CABLES2: variants seen among roughly 807,000 people sequenced by gnomAD.
CABLES2 encodes the protein CDK5 and ABL1 enzyme substrate 2.
CABLES2 carries 35 observed loss-of-function variants against 44.8 expected under a neutral mutation model. That is an observed-to-expected ratio of 0.78 (90% CI 0.60 to 1.04). CABLES2 has a LOEUF of 1.04. Ranked by LOEUF, CABLES2 falls within the 50% of genes least tolerant of loss-of-function variation. CABLES2 has a pLI of 0.00. For synonymous variants in CABLES2, 282 were observed against 281.1 expected (o/e 1.00, Z -0.03); for missense variants, 566 against 615.7 (o/e 0.92, Z 0.85).
intron 1 of CABLES2, among the ~76,000 whole-genome samples, chr20:62,398,071 C>CGAT: frequency 1.5e-5 from 1 of 68,298 alleles, no homozygotes; most frequent in Admixed American, 1.5e-4. Context: ...GTGGTGGTGA[C>CGAT]GGTGGTGGTG....
chr20:62,398,071 CGGTGGTGGTGGTGGTGACGGTGGT>C (rs1438634225), intron 1 of CABLES2, among the ~76,000 whole-genome samples: 6 of 68,236 alleles, frequency 8.8e-5, no homozygotes, highest in African/African-American at 2.0e-4. Flanking sequence ...GTGGTGGTGA[CGGTGGTGGTGGTGGTGACGGTGGT>C]GGTGGTGGTG....
At chr20:62,405,244 G>C (rs928031739) in intron 1 of CABLES2, 2 of 152,334 alleles carry the variant, frequency 1.3e-5, no homozygotes, top group African/African-American at 4.8e-5. Context: ...TGCGGAGCTC[G>C]GCCCGTTGGG....
intron 1 of CABLES2, among the ~76,000 whole-genome samples, chr20:62,398,178 G>GTGACGGTGA (rs1202631392): frequency 1.0e-5 from 1 of 96,216 alleles, no homozygotes; most frequent in East Asian, 2.3e-4. Flanking sequence ...GGTAATGGTG[G>GTGACGGTGA]TGGTGGTGAT....
rs925558836 is a variant in CABLES2, at chr20:62,396,750, G to T, written c.363-158C>A. ...GCTTCCAGAGCCCATGCAGACTGAG[G>T]CGGGGAGGAGGGGCACCTCCTGCCT... is the stretch of plus-strand genomic sequence containing the variant. On this transcript the variant is annotated intron_variant, in intron 1 of 9. Transcript: ENST00000279101. The surrounding 1 kb of genome is among the most constrained non-coding windows in gnomAD (Gnocchi z 5.7). Among the ~76,000 whole-genome samples the T allele has an allele frequency of 6.6e-6, 1 of 152,160 alleles. No individual in the cohort carries two copies. Among genetic ancestry groups the T allele is most frequent in the African/African-American group, 2.4e-5 (1 of 41,444 alleles).
At position 62,401,152 on chromosome 20, in the gene CABLES2, C is replaced by T. The variant is rs147018984; in HGVS notation, c.363-4560G>A. ...GAATGGTGGCCGCTCTCCACTGTCT[C>T]TCAGGGGCTCATTTTGTGAACCTGG... On this transcript the variant is annotated intron_variant, in intron 1 of 9. Coordinates refer to ENST00000279101, the MANE Select transcript of CABLES2 (RefSeq NM_031215.3). Among the ~76,000 whole-genome samples the T allele has an allele frequency of 1.8e-4, 27 of 152,338 alleles. No individual in the cohort carries two copies. The East Asian group carries it at 5.0e-3, about 28-fold the overall frequency.
chr20:62,388,649 T>G lies in CABLES2; in HGVS notation c.*2322A>C. 1.6e-6 allele frequency: 1 copy of G among 623,160 alleles called. No individual in the cohort carries two copies. Among genetic ancestry groups the G allele is most frequent in the South Asian group, 1.9e-5 (1 of 51,332 alleles). 38.6% of individuals were successfully genotyped at this position (623,160 alleles called of 1,614,324 possible). A position where few individuals can be genotyped will look rare whatever the true frequency, so the allele number is the denominator to read the frequency against. ...GTGAAACATATTGCAAAACTGAGGT[T>G]TAAAGGACAAATACATTATCCATTT... On this transcript the variant is annotated 3_prime_UTR_variant, in exon 10 of 10. Transcript: ENST00000279101.
rs1373612442 is a variant in CABLES2 at position 62,393,345 on chromosome 20, TGAAAGG to T, written c.880+89_880+94del. The T allele has an allele frequency of 5.3e-6, 7 of 1,309,858 alleles. No homozygotes were observed. The African/African-American group carries it at 1.0e-4, about 19-fold the overall frequency. The allele number at this position is 1,309,858 out of a possible 1,614,324, so 81.1% of individuals were successfully genotyped here. The stretch of plus-strand genomic sequence containing the variant: ...TCCATCTGCACGGAGGGCTACAGAT[TGAAAGG>T]GGCTTGCTGATGCTGCTGCAGTCCC... On this transcript the variant is annotated intron_variant, in intron 6 of 9. Coordinates refer to ENST00000279101, the MANE Select transcript of CABLES2 (RefSeq NM_031215.3).
In CABLES2 at chr20:62,388,821, C is replaced by T. The variant is rs887265097; in HGVS notation, c.*2150G>A. The T allele has an allele frequency of 5.5e-5, 18 of 325,096 alleles. No individual in the cohort carries two copies. The highest frequency in any genetic ancestry group is 7.5e-5 in the Non-Finnish European group (13 of 173,926). 20.1% of individuals were successfully genotyped at this position (325,096 alleles called of 1,614,324 possible). A position where few individuals can be genotyped will look rare whatever the true frequency, so the allele number is the denominator to read the frequency against. ...ACAGCCGAGCTGAACACCTTAGCTC[C>T]GACACCTGGATGTGTTCTAGAGAAT... On this transcript the variant is annotated 3_prime_UTR_variant, in exon 10 of 10. Transcript: ENST00000279101.
chr20:62,393,546 G>A lies in CABLES2; in HGVS notation c.774C>T (p.Asp258=). 6.2e-7 allele frequency: 1 copy of A among 1,612,824 alleles called. No individual in the cohort carries two copies. The highest frequency in any genetic ancestry group is 8.5e-7 in the Non-Finnish European group (1 of 1,179,312). Residue 258 remains aspartate (D), a synonymous_variant, in exon 6 of 10, where the codon GAC becomes GAT. Transcript: ENST00000279101. ...PTNALVTHKS[D]SHGLLPTPRP... ...GAGGTGTGGGCAGCAGGCCATGGCTGTCACTCTTGTGTGTGACCAGGGCGT... is the reference window on the plus strand; with the variant it reads ...GAGGTGTGGGCAGCAGGCCATGGCTATCACTCTTGTGTGTGACCAGGGCGT...
chr20:62,396,624 C>T lies in CABLES2; in HGVS notation c.363-32G>A, dbSNP rs762180477. The T allele has an allele frequency of 1.9e-6, 3 of 1,589,990 alleles. No homozygotes were observed. The Admixed American group carries it at 5.4e-5, about 29-fold the overall frequency. ...GATGACAATGGAGCCTCAAAACAGGCCACCAGCCCGGGTGCCGCCTTTGTG... is the reference window on the plus strand; with the variant it reads ...GATGACAATGGAGCCTCAAAACAGGTCACCAGCCCGGGTGCCGCCTTTGTG... On this transcript the variant is annotated intron_variant, in intron 1 of 9. Transcript: ENST00000279101. This position sits in a 1 kb window ranked among gnomAD's most constrained non-coding sequence, Gnocchi z 5.7.
chr20:62,394,253 C>T lies in CABLES2; in HGVS notation c.618G>A (p.Val206=), dbSNP rs1987974674. 1 of 1,613,254 alleles carries T rather than the reference C, an allele frequency of 6.2e-7. No homozygotes were observed. Among genetic ancestry groups the T allele is most frequent in the South Asian group, 1.1e-5 (1 of 91,084 alleles). The change falls in exon 5 of 10, where the codon GTG becomes GTA. Residue 206 remains valine, a synonymous_variant. Coordinates refer to ENST00000279101, the MANE Select transcript of CABLES2 (RefSeq NM_031215.3). ...GEGLRISDLR[V]DSQKQRHPSG... ...ACGGGTGCCTCTGCTTCTGGCTGTC[C>T]ACCCTCAGGTCACTGCAAACATGGG...
chr20:62,393,476 C>A lies in CABLES2; in HGVS notation c.844G>T (p.Ala282Ser). ...RTLPGSRHKP[A>S]PTKSAPASTE... ...CTGGCTGGTGCCGACTTGGTGGGGG[C>A]AGGTTTATGTCTTGACCCTGGCAGA... The change falls in exon 6 of 10, where the codon GCC becomes TCC. Residue 282 changes from alanine to serine, a missense_variant. Around this residue, in one of 2 missense-constraint regions of CABLES2, gnomAD observed 436 missense variants for 536.3 expected, o/e 0.81. Transcript: ENST00000279101. 6.2e-7 allele frequency: 1 copy of A among 1,611,880 alleles called. No homozygotes were observed. The highest frequency in any genetic ancestry group is 2.2e-5 in the East Asian group (1 of 44,848).
Position 62,391,354 on chromosome 20 carries a change from G to T in CABLES2, c.1191C>A (p.Gly397=). ...GCTTGCGGTTCTGTTTGCTGAGCTT[G>T]CCCTGCAGGACCAGCTTCTCAAAGT... ...YVYFEKLVLQ[G]KLSKQNRKLC... Residue 397 remains glycine (G), a synonymous_variant, in exon 9 of 10, where the codon GGC becomes GGA. Transcript: ENST00000279101. The surrounding 1 kb of genome is among the most constrained non-coding windows in gnomAD (Gnocchi z 5.7). 6.2e-7 allele frequency: 1 copy of T among 1,613,454 alleles called. No individual in the cohort carries two copies. Among genetic ancestry groups the T allele is most frequent in the Non-Finnish European group, 8.5e-7 (1 of 1,180,028 alleles).
In CABLES2 at chr20:62,396,893, C is replaced by T. The variant is rs1270844624; in HGVS notation, c.363-301G>A. On this transcript the variant is annotated intron_variant, in intron 1 of 9. Transcript: ENST00000279101. The surrounding 1 kb of genome is among the most constrained non-coding windows in gnomAD (Gnocchi z 5.7). The stretch of plus-strand genomic sequence containing the variant: ...GCACAGCACGCCAACCTGCCCTGCC[C>T]ACCGAGGGTCGCTCGGCCCCAAGCA... 6.6e-6 allele frequency among the ~76,000 whole-genome samples: 1 copy of T among 152,174 alleles called. No individual in the cohort carries two copies. Among genetic ancestry groups the T allele is most frequent in the Non-Finnish European group, 1.5e-5 (1 of 68,020 alleles).
rs1465921472 is a variant in CABLES2 at position 62,407,090 on chromosome 20, T to C, written c.187A>G (p.Ser63Gly). ...GGCTTCTCTCCGCCCGGGCCCAGGC[T>C]CGGGGGCCGCCCGTCCAGGGAGATG... ...NNISLDGRPP[S>G]LGPGGEKPPP... The change falls in exon 1 of 10, where the codon AGC (serine) becomes GGC (glycine). Residue 63 changes from serine to glycine, a missense_variant. Transcript: ENST00000279101. The C allele has an allele frequency of 5.7e-6, 6 of 1,050,856 alleles. No individual in the cohort carries two copies. The highest frequency in any genetic ancestry group is 6.9e-6 in the Non-Finnish European group (6 of 872,152). 65.1% of individuals were successfully genotyped at this position (1,050,856 alleles called of 1,614,324 possible). A position where few individuals can be genotyped will look rare whatever the true frequency, so the allele number is the denominator to read the frequency against.
At chr20:62,398,118 G>GTGGTGGTGA (rs1569017655) in intron 1 of CABLES2, among the ~76,000 whole-genome samples, 1 of 129,246 alleles carries the variant, frequency 7.7e-6, no homozygotes, top group Non-Finnish European at 1.7e-5. Context: ...GGTGGTGGTG[G>GTGGTGGTGA]TGGTGGTTAT....
At chr20:62,395,521 G>T (rs946962432) in intron 3 of CABLES2, among the ~76,000 whole-genome samples, 1 of 152,218 alleles carries the variant, frequency 6.6e-6, no homozygotes. Flanking sequence ...CAAGGCGCTC[G>T]AGCAGCCGGG....
intron 1 of CABLES2, among the ~76,000 whole-genome samples, chr20:62,401,376 C>T (rs1166365904): frequency 1.3e-5 from 2 of 152,184 alleles, no homozygotes; most frequent in African/African-American, 4.8e-5. Flanking sequence ...AGGGCTGTTG[C>T]AACTCCACGC....
chr20:62,388,896 T>G lies in CABLES2; in HGVS notation c.*2075A>C, dbSNP rs1262772445. The G allele has an allele frequency of 5.0e-6, 1 of 200,300 alleles. No individual in the cohort carries two copies. The highest frequency in any genetic ancestry group is 1.0e-5 in the Non-Finnish European group (1 of 97,154). The allele number at this position is 200,300 out of a possible 1,614,324, so 12.4% of individuals were successfully genotyped here. A position where few individuals can be genotyped will look rare whatever the true frequency, so the allele number is the denominator to read the frequency against. ...TTAACTACTGGCTTTGTTGCAATAA[T>G]CCTCGAATACCACACAGTGGCAGCT... On this transcript the variant is annotated 3_prime_UTR_variant, in exon 10 of 10. Transcript: ENST00000279101.
Sources: allele counts gnomAD v4.1 joint callset (sites outside exome capture counted in the v4.1 genomes callset), GRCh38; gene constraint gnomAD v4.1.1; regional missense constraint gnomAD v4.1.1; non-coding constraint Gnocchi (gnomAD v3.1); transcripts MANE v1.5; gene names NCBI Gene and HGNC (gene_info 2026-07-23, HGNC 2026-07-21).